Variants in FAM111B observed in about 807,000 individuals in gnomAD.
FAM111B encodes serine protease FAM111B.
Under a neutral mutation model 2.8 loss-of-function variants are expected in FAM111B, and 1 was observed. The observed-to-expected ratio is 0.36, with a 90% CI of 0.13 to 1.70. The LOEUF (loss-of-function observed/expected upper bound fraction) is 1.70. Ranked by LOEUF, FAM111B falls within the 40% of genes most tolerant of loss-of-function variation. The pLI, the probability that FAM111B is intolerant of heterozygous loss-of-function variation, is 0.35. For synonymous variants in FAM111B, 297 were observed against 295.6 expected (o/e 1.00, Z -0.05); for missense variants, 882 against 878.9 (o/e 1.00, Z -0.04).
Position 59,124,201 on chromosome 11 carries a change from A to G in FAM111B, c.104A>G (p.His35Arg), listed in dbSNP as rs549327780. Residue 35 changes from histidine to arginine, a missense_variant, in exon 4 of 4, where the codon CAT (histidine) becomes CGT (arginine). Transcript: ENST00000343597. ...VSKDTVMKQT[H>R]ADTPVDHCLS... ...AAGGATACTGTCATGAAGCAGACAC[A>G]TGCTGACACACCTGTTGATCATTGT... is the stretch of plus-strand genomic sequence containing the variant. 1.9e-4 allele frequency: 299 copies of G among 1,612,546 alleles called. 2 individuals are homozygous for G. The South Asian group carries it at 3.0e-3, about 16-fold the overall frequency.
In FAM111B at chr11:59,126,406, A is replaced by G; in HGVS notation, c.*104A>G. 1.1e-6 allele frequency: 1 copy of G among 892,310 alleles called. No individual in the cohort carries two copies. The highest frequency in any genetic ancestry group is 1.6e-6 in the Non-Finnish European group (1 of 607,244). 55.3% of individuals were successfully genotyped at this position (892,310 alleles called of 1,614,324 possible). A position where few individuals can be genotyped will look rare whatever the true frequency, so the allele number is the denominator to read the frequency against. On this transcript the variant is annotated 3_prime_UTR_variant, in exon 4 of 4. Coordinates refer to ENST00000343597, the MANE Select transcript of FAM111B (RefSeq NM_198947.4). ...CAACAAAAGTGAAAATTGGCAAATG[A>G]GACCTAATTAAATCTTCTGCACAGC...
chr11:59,125,416 A>C lies in FAM111B; in HGVS notation c.1319A>C (p.Lys440Thr), dbSNP rs758828832. Residue 440 changes from lysine (K) to threonine (T), a missense_variant, in exon 4 of 4, where the codon AAA becomes ACA. By Grantham distance (78) the Lys-to-Thr change is moderately conservative. Coordinates refer to ENST00000343597, the MANE Select transcript of FAM111B (RefSeq NM_198947.4). ...QFNIYKKDFG[K>T]MTANSVSVAT... ...AACATATATAAAAAGGACTTCGGAA[A>C]AATGACTGCAAATTCTGTTTCAGTT... 2 of 1,614,026 alleles carry C rather than the reference A, an allele frequency of 1.2e-6. No homozygotes were observed. The highest frequency in any genetic ancestry group is 1.7e-6 in the Non-Finnish European group (2 of 1,179,864).
intron 3 of FAM111B, among the ~76,000 whole-genome samples, chr11:59,121,736 G>C (rs1187754836): frequency 6.6e-6 from 1 of 152,180 alleles, no homozygotes; most frequent in African/African-American, 2.4e-5. Context: ...ATTAGCCACT[G>C]CTTTTATTAG....
At chr11:59,110,654 ATACATTAATTATG>A (rs1859744176) in intron 3 of FAM111B, among the ~76,000 whole-genome samples, 1 of 152,208 alleles carries the variant, frequency 6.6e-6, no homozygotes, top group African/African-American at 2.4e-5. Context: ...ATCAAGTTGC[ATACATTAATTATG>A]TACATTAATT....
intron 2 of FAM111B, 35 bp downstream of exon 2, chr11:59,108,747 A>G (rs553320833): frequency 6.6e-6 from 1 of 152,276 alleles, no homozygotes; most frequent in South Asian, 2.1e-4. Context: ...TGCTAGTTCT[A>G]TCTTCTCTCT....
chr11:59,123,384 C>T (rs1859953045), intron 3 of FAM111B, among the ~76,000 whole-genome samples: 1 of 152,150 alleles, frequency 6.6e-6, no homozygotes, highest in African/African-American at 2.4e-5. Context: ...TGAGGTTGGT[C>T]TCCTTGAGCA....
intron 3 of FAM111B, chr11:59,109,931 T>C: frequency 3.0e-6 from 1 of 328,012 alleles, no homozygotes; most frequent in African/African-American, 2.1e-5. Context: ...TAACAAACAA[T>C]ATAGACACTT....
chr11:59,116,694 C>G (rs924500813), intron 3 of FAM111B, among the ~76,000 whole-genome samples: 4 of 152,184 alleles, frequency 2.6e-5, no homozygotes, highest in Non-Finnish European at 4.4e-5. Context: ...CAGGGGTTCT[C>G]AAAGCCTGGA....
chr11:59,109,394 G>T, intron 2 of FAM111B, 146 bp from the exon 3 acceptor site: 26 of 324,122 alleles, frequency 8.0e-5, no homozygotes. Context: ...GATATGCCTT[G>T]GAAACTCCAT....
chr11:59,118,020 C>T (rs1859864895), intron 3 of FAM111B, among the ~76,000 whole-genome samples: 1 of 152,178 alleles, frequency 6.6e-6, no homozygotes, highest in Non-Finnish European at 1.5e-5. Flanking sequence ...AGAGGTTTCT[C>T]ATTGGTTAAT....
At chr11:59,122,175 G>A (rs1470702618) in intron 3 of FAM111B, among the ~76,000 whole-genome samples, 2 of 152,092 alleles carry the variant, frequency 1.3e-5, no homozygotes, top group East Asian at 1.9e-4. Context: ...AAATAAATAA[G>A]TAGTGCAAAT....
Position 59,125,450 on chromosome 11 carries a change from C to CGAA in FAM111B, c.1354_1356dup (p.Glu452dup). 6.2e-7 allele frequency: 1 copy of CGAA among 1,613,900 alleles called. No homozygotes were observed. Among genetic ancestry groups the CGAA allele is most frequent in the Non-Finnish European group, 8.5e-7 (1 of 1,179,810 alleles). On this transcript the variant is annotated inframe_insertion, in exon 4 of 4. Coordinates refer to ENST00000343597, the MANE Select transcript of FAM111B (RefSeq NM_198947.4). ...CAAATTCTGTTTCAGTTGCAACCTG[C>CGAA]GAACAGCTTACATATTATAGCAAGT...
At chr11:59,113,694 A>G (rs1859796459) in intron 3 of FAM111B, among the ~76,000 whole-genome samples, 2 of 152,214 alleles carry the variant, frequency 1.3e-5, no homozygotes, top group Non-Finnish European at 1.5e-5. Context: ...CGTCTCTATC[A>G]GCGTCCCCCA....
chr11:59,115,655 C>A (rs563751494), intron 3 of FAM111B, among the ~76,000 whole-genome samples: 127 of 152,288 alleles, frequency 8.3e-4, no homozygotes, highest in African/African-American at 3.0e-3. Flanking sequence ...AATATCATTG[C>A]ATGTGTTGGG....
chr11:59,126,429 A>T lies in FAM111B; in HGVS notation c.*127A>T. On this transcript the variant is annotated 3_prime_UTR_variant, in exon 4 of 4. Coordinates refer to ENST00000343597, the MANE Select transcript of FAM111B (RefSeq NM_198947.4). ...TGAGACCTAATTAAATCTTCTGCAC[A>T]GCAAAAGAAACTATCAACAGGGTAA... 2 of 698,332 alleles carry T rather than the reference A, an allele frequency of 2.9e-6. No individual in the cohort carries two copies. Among genetic ancestry groups the T allele is most frequent in the Non-Finnish European group, 4.5e-6 (2 of 449,264 alleles). The allele number at this position is 698,332 out of a possible 1,614,324, so 43.3% of individuals were successfully genotyped here.
At chr11:59,109,127 C>G (rs1157482529) in intron 2 of FAM111B, among the ~76,000 whole-genome samples, 1 of 152,158 alleles carries the variant, frequency 6.6e-6, no homozygotes, top group Non-Finnish European at 1.5e-5. Flanking sequence ...CTGTATGAGC[C>G]TCAGAAATTG....
chr11:59,126,028 G>A lies in FAM111B; in HGVS notation c.1931G>A (p.Cys644Tyr), dbSNP rs149882621. Residue 644 changes from cysteine to tyrosine, a missense_variant, in exon 4 of 4, where the codon TGT (cysteine) becomes TAT (tyrosine). Transcript: ENST00000343597. ...WNTHTLSYDT[C>Y]FSDGSSGSPV... Reference sequence around the variant, plus strand: ...ACACACACGCTTAGTTATGATACTTGTTTCTCTGATGGGTCCTCAGGCTCC... The same window carrying A: ...ACACACACGCTTAGTTATGATACTTATTTCTCTGATGGGTCCTCAGGCTCC... 16 of 1,613,808 alleles carry A rather than the reference G, an allele frequency of 9.9e-6. No homozygotes were observed. The African/African-American group carries it at 2.1e-4, about 22-fold the overall frequency.
rs960696087 is a variant in FAM111B, at chr11:59,126,084, G to A, written c.1987G>A (p.Ala663Thr). 5.0e-6 allele frequency: 8 copies of A among 1,613,668 alleles called. No individual in the cohort carries two copies. The highest frequency in any genetic ancestry group is 6.8e-6 in the Non-Finnish European group (8 of 1,179,804). Residue 663 changes from alanine to threonine, a missense_variant, in exon 4 of 4, where the codon GCT becomes ACT. Ala to Thr is a moderately conservative substitution (Grantham distance 58). Transcript: ENST00000343597. ...GTTTAATGCATCTGGCAAATTGGTTGCTTTGCATACCTTTGGGCTTTTTTA... is the reference window on the plus strand; with the variant it reads ...GTTTAATGCATCTGGCAAATTGGTTACTTTGCATACCTTTGGGCTTTTTTA... Reference protein sequence around the residue: ...PVFNASGKLVALHTFGLFYQR... With the variant: ...PVFNASGKLVTLHTFGLFYQR...
Position 59,124,987 on chromosome 11 carries a change from G to A in FAM111B, c.890G>A (p.Ser297Asn). Residue 297 changes from serine to asparagine, a missense_variant, in exon 4 of 4, where the codon AGT (serine) becomes AAT (asparagine). Coordinates refer to ENST00000343597, the MANE Select transcript of FAM111B (RefSeq NM_198947.4). ...ESATDEINHQ[S>N]LIQSKKKVHK... ...GCCACTGATGAAATTAATCACCAGA[G>A]TCTGATACAGTCTAAGAAAAAAGTC... The A allele has an allele frequency of 6.2e-7, 1 of 1,612,410 alleles. No individual in the cohort carries two copies. The highest frequency in any genetic ancestry group is 1.1e-5 in the South Asian group (1 of 90,762).
Sources: gnomAD v4.1 joint callset for allele counts (sites outside exome capture counted in the v4.1 genomes callset) on GRCh38, gnomAD v4.1.1 for gene constraint, MANE v1.5 for transcripts, NCBI Gene and HGNC (gene_info 2026-07-23, HGNC 2026-07-21) for gene names.